Variants in CAPZA2 observed in about 807,000 individuals in gnomAD.
CAPZA2 encodes capping actin protein of muscle Z-line subunit alpha 2.
In CAPZA2, 13 loss-of-function variants were observed where a neutral mutation model predicts 44.0. The ratio of observed to expected loss-of-function variants is 0.30; its 90% CI spans 0.19 to 0.47. The LOEUF is 0.47. Among genes scored for constraint, CAPZA2 ranks in the 20% least tolerant of loss-of-function variants. CAPZA2 has a pLI of 1.00. For missense variants in CAPZA2, 244 were observed against 338.6 expected (o/e 0.72, Z 2.19); for synonymous variants, 94 against 108.2 (o/e 0.87, Z 0.81).
At chr7:116,867,525 A>G (rs1796496999) in intron 1 of CAPZA2, among the ~76,000 whole-genome samples, 1 of 151,460 alleles carries the variant, frequency 6.6e-6, no homozygotes, top group African/African-American at 2.4e-5. Flanking sequence ...TTGTTACTTA[A>G]TCGTGCTGTG....
chr7:116,912,690 C>CT (rs1259597970), intron 8 of CAPZA2, among the ~76,000 whole-genome samples: 1 of 152,214 alleles, frequency 6.6e-6, no homozygotes, highest in Non-Finnish European at 1.5e-5. Context: ...AAATAATACT[C>CT]TGTTTTATGG....
intron 1 of CAPZA2, among the ~76,000 whole-genome samples, chr7:116,864,339 A>T (rs1796454958): frequency 6.6e-6 from 1 of 152,176 alleles, no homozygotes; most frequent in Non-Finnish European, 1.5e-5. Context: ...TAAAAATGAG[A>T]TAACAAGATG....
intron 1 of CAPZA2, among the ~76,000 whole-genome samples, chr7:116,870,873 G>T (rs1796546213): frequency 6.6e-6 from 1 of 152,216 alleles, no homozygotes; most frequent in Non-Finnish European, 1.5e-5. Context: ...GGATGACTGG[G>T]AATTGGTACC....
chr7:116,875,292 G>T (rs1220351707), intron 1 of CAPZA2: 1 of 152,092 alleles, frequency 6.6e-6, no homozygotes, highest in East Asian at 1.9e-4. Flanking sequence ...GCCATTTTAG[G>T]TCTTCTAATT....
intron 1 of CAPZA2, among the ~76,000 whole-genome samples, chr7:116,877,918 A>G (rs1796642188): frequency 6.6e-6 from 1 of 152,228 alleles, no homozygotes; most frequent in Non-Finnish European, 1.5e-5. Flanking sequence ...GCTTTATAAC[A>G]ATCCAGAAAC....
chr7:116,907,435 A>T (rs1477804577), intron 6 of CAPZA2, among the ~76,000 whole-genome samples: 1 of 152,212 alleles, frequency 6.6e-6, no homozygotes, highest in African/African-American at 2.4e-5. Flanking sequence ...CAATATTTAT[A>T]AAATTATTAC....
At chr7:116,914,540 C>G (rs1791652776) in intron 8 of CAPZA2, among the ~76,000 whole-genome samples, 1 of 151,872 alleles carries the variant, frequency 6.6e-6, no homozygotes, top group African/African-American at 2.4e-5. Flanking sequence ...CAGCTCACTG[C>G]AGCCTCGACA....
At chr7:116,909,220 T>C (rs1232991328) in intron 6 of CAPZA2, among the ~76,000 whole-genome samples, 1 of 152,226 alleles carries the variant, frequency 6.6e-6, no homozygotes, top group East Asian at 1.9e-4. Flanking sequence ...AACCCAGAAA[T>C]CATTGTCTAG....
At chr7:116,883,708 A>G (rs1796726904) in intron 1 of CAPZA2, among the ~76,000 whole-genome samples, 1 of 152,216 alleles carries the variant, frequency 6.6e-6, no homozygotes, top group Non-Finnish European at 1.5e-5. Flanking sequence ...AGTTCATAGG[A>G]TAAAAATGCA....
At chr7:116,892,626 C>G (rs1293118307) in intron 2 of CAPZA2, among the ~76,000 whole-genome samples, 3 of 151,386 alleles carry the variant, frequency 2.0e-5, no homozygotes, top group African/African-American at 7.3e-5. Context: ...AATACACTAA[C>G]AATAGCTGAT....
rs369428828 is a variant in CAPZA2, at chr7:116,906,308, A to C, written c.472A>C (p.Ile158Leu). The C allele has an allele frequency of 1.2e-6, 2 of 1,612,748 alleles. No individual in the cohort carries two copies. Among genetic ancestry groups the C allele is most frequent in the Admixed American group, 1.7e-5 (1 of 59,528 alleles). ...TGGACAGCAAACCATTATTGCATGC[A>C]TAGAAAGCCATCAGTTCCAAGCAAA... The part of the protein sequence containing the change: ...IDGQQTIIAC[I>L]ESHQFQAKNF... The change falls in exon 6 of 10, where the codon ATA (isoleucine) becomes CTA (leucine). Residue 158 changes from isoleucine to leucine, a missense_variant. Transcript: ENST00000361183.
chr7:116,904,694 CAA>C (rs1791463124), intron 5 of CAPZA2: 1 of 202,996 alleles, frequency 4.9e-6, no homozygotes, highest in African/African-American at 2.3e-5. Flanking sequence ...CAGTTTAGAT[CAA>C]AGTTATTTTT....
At chr7:116,906,174 T>G (rs1269649283) in intron 5 of CAPZA2, 89 bp from the exon 6 acceptor site, 3 of 1,529,306 alleles carry the variant, frequency 2.0e-6, no homozygotes, top group Non-Finnish European at 2.6e-6. Context: ...GTCAAAGTAC[T>G]GTACAATTTG....
rs560221516 is a variant in CAPZA2 at position 116,877,269 on chromosome 7, G to A, written c.40-10858G>A. Among the ~76,000 whole-genome samples, 113 of 152,324 alleles carry A rather than the reference G, an allele frequency of 7.4e-4. 1 individual carries two copies. Among genetic ancestry groups the A allele is most frequent in the African/African-American group, 2.5e-3 (102 of 41,580 alleles). On this transcript the variant is annotated intron_variant, in intron 1 of 9. Coordinates refer to ENST00000361183, the MANE Select transcript of CAPZA2 (RefSeq NM_006136.3). ...ATAATATACCAAGAAGTTTTTAATA[G>A]TATAATTTGATCTTAGAGTTTTCCT...
chr7:116,896,266 C>T (rs1796925653), intron 3 of CAPZA2, among the ~76,000 whole-genome samples: 1 of 152,018 alleles, frequency 6.6e-6, no homozygotes, highest in South Asian at 2.1e-4. Flanking sequence ...AAGCTACCAA[C>T]TCAGTATGTT....
intron 8 of CAPZA2, among the ~76,000 whole-genome samples, chr7:116,912,416 A>G (rs1356367362): frequency 2.0e-5 from 3 of 151,982 alleles, no homozygotes; most frequent in African/African-American, 7.3e-5. Context: ...CCACAATCTA[A>G]TTTTAGAACA....
At position 116,890,524 on chromosome 7, in the gene CAPZA2, AAATATATATATATATATATATAT is replaced by A. The variant is rs1796820667; in HGVS notation, c.103+2336_103+2358del. Among the ~76,000 whole-genome samples, 6 of 29,820 alleles carry A rather than the reference AAATATATATATATATATATATAT, an allele frequency of 2.0e-4. 1 individual carries two copies. The highest frequency in any genetic ancestry group is 5.2e-4 in the African/African-American group (3 of 5,754). 19.6% of individuals were successfully genotyped at this position (29,820 alleles called of 152,430 possible). ...TGTCTCTACTTAAAAAAAAAAAAAA[AAATATATATATATATATATATAT>A]ATATATATATATATATATATACACA... On this transcript the variant is annotated intron_variant, in intron 2 of 9. Coordinates refer to ENST00000361183, the MANE Select transcript of CAPZA2 (RefSeq NM_006136.3).
intron 1 of CAPZA2, among the ~76,000 whole-genome samples, chr7:116,871,595 A>G (rs1796554975): frequency 6.6e-6 from 1 of 152,192 alleles, no homozygotes; most frequent in Non-Finnish European, 1.5e-5. Context: ...TGGAGTCTAT[A>G]ATAAAAAGTA....
chr7:116,903,433 GA>G (rs909222258), intron 4 of CAPZA2, among the ~76,000 whole-genome samples: 10 of 151,718 alleles, frequency 6.6e-5, no homozygotes, highest in Admixed American at 2.0e-4. Context: ...TTATGACTAT[GA>G]AAAAAAATTT....
Sources: gnomAD v4.1 joint callset for allele counts (sites outside exome capture counted in the v4.1 genomes callset) on GRCh38, gnomAD v4.1.1 for gene constraint, MANE v1.5 for transcripts, NCBI Gene and HGNC (gene_info 2026-07-23, HGNC 2026-07-21) for gene names.